The following MEIS2 variants were observed in gnomAD, a reference collection of about 807,000 sequenced individuals.
MEIS2 encodes the protein Meis homeobox 2.
A neutral mutation model predicts 58.6 loss-of-function variants in MEIS2; 9 were observed. That is an observed-to-expected ratio of 0.15 (90% CI 0.09 to 0.27). The LOEUF (loss-of-function observed/expected upper bound fraction) is 0.27. Ranked by LOEUF, MEIS2 falls within the 10% of genes least tolerant of loss-of-function variation. The pLI is 1.00. For missense variants in MEIS2, 427 were observed against 635.0 expected, an observed-to-expected ratio of 0.67 and a Z score of 3.52; for synonymous variants, 221 against 228.4, an observed-to-expected ratio of 0.97 and a Z score of 0.29.
At position 37,094,697 on chromosome 15, in the gene MEIS2, G is replaced by A. The variant is rs1596128889; in HGVS notation, c.439-120C>T. The A allele has an allele frequency of 2.1e-5, 15 of 722,178 alleles. No homozygotes were observed. In the East Asian group the frequency reaches 3.9e-4, roughly 19 times the overall value. The allele number at this position is 722,178 out of a possible 1,614,324, so 44.7% of individuals were successfully genotyped here. A position where few individuals can be genotyped will look rare whatever the true frequency, so the allele number is the denominator to read the frequency against. On this transcript the variant is annotated intron_variant, in intron 4 of 11. Transcript: ENST00000561208. ...TGGGCTGGGGAGAAGAAACGGGCAG[G>A]TGGCCAGGAAAAACTTAAACATCAA...
intron 8 of MEIS2, among the ~76,000 whole-genome samples, chr15:37,029,343 G>C (rs1466105890): frequency 6.6e-6 from 1 of 152,078 alleles, no homozygotes; most frequent in Non-Finnish European, 1.5e-5. Flanking sequence ...GTATAACTAA[G>C]GTCAACATTT....
chr15:37,060,893 T>A (rs1319508315), intron 7 of MEIS2, among the ~76,000 whole-genome samples: 1 of 152,166 alleles, frequency 6.6e-6, no homozygotes, highest in Non-Finnish European at 1.5e-5. Flanking sequence ...GGAAAACAGG[T>A]GTTTAATAAT....
chr15:36,963,563 G>A (rs2059260385), intron 8 of MEIS2, among the ~76,000 whole-genome samples: 2 of 151,794 alleles, frequency 1.3e-5, no homozygotes, highest in Admixed American at 1.3e-4. Flanking sequence ...GGAAATTAAG[G>A]AAGAAATGCA....
At chr15:37,026,897 T>G (rs2061727165) in intron 8 of MEIS2, among the ~76,000 whole-genome samples, 1 of 152,182 alleles carries the variant, frequency 6.6e-6, no homozygotes, top group Non-Finnish European at 1.5e-5. Context: ...TATCCACTAT[T>G]AGATAAAAAC....
At chr15:36,996,890 G>T (rs940035353) in intron 8 of MEIS2, among the ~76,000 whole-genome samples, 6 of 152,154 alleles carry the variant, frequency 3.9e-5, no homozygotes, top group East Asian at 1.9e-4. Flanking sequence ...TTACATACTT[G>T]CATTCAGGCC....
intron 8 of MEIS2, among the ~76,000 whole-genome samples, chr15:36,995,611 G>GT (rs11384225): frequency 0.49 from 66,328 of 134,890 alleles, 16,774 homozygotes; most frequent in East Asian, 0.7. Context: ...TTTCATTAGG[G>GT]TTTTTTTTTT....
intron 8 of MEIS2, among the ~76,000 whole-genome samples, chr15:37,024,854 G>A (rs570079823): frequency 3.7e-4 from 56 of 152,262 alleles, no homozygotes; most frequent in Middle Eastern, 3.4e-3. Flanking sequence ...GAAGAGTTTA[G>A]GAACAAAGAA....
chr15:36,900,434 T>G (rs2056408714), intron 9 of MEIS2, among the ~76,000 whole-genome samples: 1 of 152,212 alleles, frequency 6.6e-6, no homozygotes. Flanking sequence ...CTACTAAGAC[T>G]ATCTACTTTT....
intron 8 of MEIS2, among the ~76,000 whole-genome samples, chr15:37,034,091 A>G (rs2062045264): frequency 6.6e-6 from 1 of 152,136 alleles, no homozygotes; most frequent in South Asian, 2.1e-4. Flanking sequence ...GGAGAGAAAT[A>G]AAGCAGTTAG....
intron 9 of MEIS2, among the ~76,000 whole-genome samples, chr15:36,906,032 G>A (rs1022650008): frequency 2.6e-5 from 4 of 152,158 alleles, no homozygotes; most frequent in Non-Finnish European, 5.9e-5. Context: ...AACGTGGAAT[G>A]TTGGAAGAAG....
intron 8 of MEIS2, among the ~76,000 whole-genome samples, chr15:37,022,904 C>T (rs764671036): frequency 2.2e-4 from 34 of 152,148 alleles, no homozygotes; most frequent in Non-Finnish European, 4.4e-4. Flanking sequence ...ATACACCCTC[C>T]TCGGCCTCCC....
At chr15:37,002,212 C>A (rs1354798802) in intron 8 of MEIS2, among the ~76,000 whole-genome samples, 1 of 152,148 alleles carries the variant, frequency 6.6e-6, no homozygotes, top group African/African-American at 2.4e-5. Context: ...CTGCTAATCA[C>A]TGCTTCCCAT....
intron 8 of MEIS2, among the ~76,000 whole-genome samples, chr15:37,034,658 A>G (rs1412852760): frequency 1.3e-5 from 2 of 152,180 alleles, no homozygotes; most frequent in African/African-American, 2.4e-5. Context: ...TGTGAGATTC[A>G]ACTCACAAAA....
intron 7 of MEIS2, among the ~76,000 whole-genome samples, chr15:37,056,572 T>G (rs1001607003): frequency 6.6e-6 from 1 of 152,154 alleles, no homozygotes; most frequent in Non-Finnish European, 1.5e-5. Flanking sequence ...CCAGAAAGTT[T>G]TCGAAACATG....
intron 7 of MEIS2, among the ~76,000 whole-genome samples, chr15:37,056,379 C>A (rs900211449): frequency 2.0e-5 from 3 of 152,146 alleles, no homozygotes; most frequent in Non-Finnish European, 4.4e-5. Flanking sequence ...TCAGGCATAA[C>A]AAGCTCTTCA....
chr15:36,990,187 C>T (rs749123017), intron 8 of MEIS2, among the ~76,000 whole-genome samples: 14 of 152,040 alleles, frequency 9.2e-5, no homozygotes, highest in East Asian at 7.7e-4. Flanking sequence ...CCTCGTGACC[C>T]GCCCACCTCG....
chr15:37,036,558 T>C, intron 8 of MEIS2: 2 of 320,688 alleles, frequency 6.2e-6, no homozygotes, highest in Non-Finnish European at 1.1e-5. Flanking sequence ...TACTTATATA[T>C]GCTGTTTAGG....
At chr15:36,966,697 C>T (rs62045765) in intron 8 of MEIS2, among the ~76,000 whole-genome samples, 46,479 of 151,834 alleles carry the variant, frequency 0.31, 7,703 homozygotes, top group East Asian at 0.55. Flanking sequence ...AATTTATATT[C>T]TGGCAAGGAG....
At chr15:36,998,762 G>A (rs977460763) in intron 8 of MEIS2, among the ~76,000 whole-genome samples, 1 of 152,152 alleles carries the variant, frequency 6.6e-6, no homozygotes, top group African/African-American at 2.4e-5. Flanking sequence ...GTACTGCTCT[G>A]AGGGCTTCCG....
Sources: allele counts gnomAD v4.1 joint callset (sites outside exome capture counted in the v4.1 genomes callset), GRCh38; gene constraint gnomAD v4.1.1; transcripts MANE v1.5; gene names NCBI Gene and HGNC (gene_info 2026-07-23, HGNC 2026-07-21).